KCNH1: variants seen among roughly 807,000 people sequenced by gnomAD.
The protein encoded by KCNH1 is potassium voltage-gated channel subfamily H member 1.
In KCNH1, 27 loss-of-function variants were observed where a neutral mutation model predicts 69.2. That is an observed-to-expected ratio of 0.39 (90% CI 0.29 to 0.54). The LOEUF is 0.54. Among genes scored for constraint, KCNH1 ranks in the 20% least tolerant of loss-of-function variants. The pLI is 0.68. For synonymous variants in KCNH1, 456 were observed against 487.7 expected (o/e 0.93, Z 0.86); for missense variants, 798 against 1,261.6 (o/e 0.63, Z 5.57).
At chr1:210,848,802 A>G (rs1368641799) in intron 7 of KCNH1, among the ~76,000 whole-genome samples, 1 of 151,836 alleles carries the variant, frequency 6.6e-6, no homozygotes, top group African/African-American at 2.4e-5. Flanking sequence ...CCCCATTTCA[A>G]TTTTTTTTCT....
chr1:210,838,454 C>G (rs114328042), intron 7 of KCNH1, among the ~76,000 whole-genome samples: 109 of 151,822 alleles, frequency 7.2e-4, no homozygotes, highest in Non-Finnish European at 1.3e-3. Flanking sequence ...AAACCCAAAA[C>G]TATAAAAAGC....
At chr1:210,996,994 C>T (rs1042188813) in intron 6 of KCNH1, among the ~76,000 whole-genome samples, 2 of 152,194 alleles carry the variant, frequency 1.3e-5, no homozygotes, top group Non-Finnish European at 2.9e-5. Flanking sequence ...AAGACATCCA[C>T]ACCAAAAACC....
At chr1:210,864,426 C>T (rs1460009640) in intron 7 of KCNH1, among the ~76,000 whole-genome samples, 3 of 152,192 alleles carry the variant, frequency 2.0e-5, no homozygotes, top group African/African-American at 7.2e-5. Flanking sequence ...TTCCTCTCAA[C>T]TCAGCAAAAC....
At chr1:210,806,178 G>C (rs1246455176) in intron 7 of KCNH1, among the ~76,000 whole-genome samples, 1 of 152,166 alleles carries the variant, frequency 6.6e-6, no homozygotes, top group East Asian at 1.9e-4. Flanking sequence ...TTACATTCCT[G>C]CCAGCAGTCT....
intron 10 of KCNH1, among the ~76,000 whole-genome samples, chr1:210,730,254 G>C (rs1682711670): frequency 6.6e-6 from 1 of 152,148 alleles, no homozygotes; most frequent in Non-Finnish European, 1.5e-5. Context: ...CTAAGGCTAG[G>C]CAGGAAAATT....
At chr1:210,914,809 A>G (rs573071710) in intron 7 of KCNH1, among the ~76,000 whole-genome samples, 1 of 152,242 alleles carries the variant, frequency 6.6e-6, no homozygotes, top group South Asian at 2.1e-4. Context: ...GACTGGGAAG[A>G]AAGAAATGAA....
intron 7 of KCNH1, among the ~76,000 whole-genome samples, chr1:210,867,112 T>G (rs893699372): frequency 2.6e-5 from 4 of 151,832 alleles, no homozygotes; most frequent in African/African-American, 9.7e-5. Context: ...GGCTAGGAAA[T>G]GTGAGGAGAA....
chr1:211,048,426 C>T (rs1033541480), intron 5 of KCNH1, among the ~76,000 whole-genome samples: 6 of 152,228 alleles, frequency 3.9e-5, no homozygotes, highest in African/African-American at 1.2e-4. Context: ...AAATATGGAA[C>T]CAGCCCAAAT....
Position 210,821,863 on chromosome 1 carries a change from G to T in KCNH1, c.1463-17697C>A, listed in dbSNP as rs866827548. Among the ~76,000 whole-genome samples, 7 of 150,712 alleles carry T rather than the reference G, an allele frequency of 4.6e-5. 1 individual carries two copies. The highest frequency in any genetic ancestry group is 3.4e-3 in the Middle Eastern group (1 of 294). On this transcript the variant is annotated intron_variant, in intron 7 of 10. Transcript: ENST00000271751. ...TTATTTATTTATTTAAAGAGATGGG[G>T]TCTTACTCTGTCACCCAGGCTGGAG...
chr1:211,119,063 C>A (rs1691638554), intron 1 of KCNH1, among the ~76,000 whole-genome samples: 1 of 152,156 alleles, frequency 6.6e-6, no homozygotes, highest in African/African-American at 2.4e-5. Context: ...AGTACTCTTA[C>A]AAAAAGCAAG....
intron 7 of KCNH1, among the ~76,000 whole-genome samples, chr1:210,828,929 T>C (rs192378908): frequency 9.8e-5 from 15 of 152,328 alleles, no homozygotes. Flanking sequence ...ATTACTGAAG[T>C]ATAGCATAAG....
chr1:210,977,249 A>C (rs1159570370), intron 6 of KCNH1, among the ~76,000 whole-genome samples: 1 of 152,064 alleles, frequency 6.6e-6, no homozygotes, highest in African/African-American at 2.4e-5. Context: ...AACAATGAGA[A>C]CACTAGGACA....
At chr1:210,765,137 C>T (rs1232411891) in intron 10 of KCNH1, among the ~76,000 whole-genome samples, 1 of 151,680 alleles carries the variant, frequency 6.6e-6, no homozygotes, top group Non-Finnish European at 1.5e-5. Context: ...TTCTCACTTA[C>T]AAGTAGTAGC....
At chr1:210,972,282 T>G (rs1688524033) in intron 6 of KCNH1, among the ~76,000 whole-genome samples, 1 of 152,160 alleles carries the variant, frequency 6.6e-6, no homozygotes, top group Non-Finnish European at 1.5e-5. Flanking sequence ...CCTAAAAGGC[T>G]GCCTCCCATT....
At chr1:210,984,666 TGC>T (rs1175023690) in intron 6 of KCNH1, among the ~76,000 whole-genome samples, 2 of 152,226 alleles carry the variant, frequency 1.3e-5, no homozygotes, top group Non-Finnish European at 2.9e-5. Flanking sequence ...CTTTTTGATG[TGC>T]TGCTGGATTT....
chr1:210,713,628 G>A (rs575532066), intron 10 of KCNH1, among the ~76,000 whole-genome samples: 15 of 152,072 alleles, frequency 9.9e-5, no homozygotes, highest in Non-Finnish European at 1.8e-4. Context: ...AAGGGATGGG[G>A]GGAAGAACAT....
At chr1:210,833,368 G>T (rs1006707671) in intron 7 of KCNH1, among the ~76,000 whole-genome samples, 4 of 152,076 alleles carry the variant, frequency 2.6e-5, no homozygotes, top group African/African-American at 9.7e-5. Flanking sequence ...AGAGGCCTCA[G>T]AAATAATGCC....
intron 4 of KCNH1, among the ~76,000 whole-genome samples, chr1:211,086,106 G>A (rs923812996): frequency 1.3e-5 from 2 of 152,186 alleles, no homozygotes; most frequent in Admixed American, 6.5e-5. Flanking sequence ...TATCGCAGGT[G>A]TTTCCTTGTG....
rs75340153 is a variant in KCNH1, at chr1:211,036,013, G to A, written c.559-16757C>T. Among the ~76,000 whole-genome samples, 914 of 152,242 alleles carry A rather than the reference G, an allele frequency of 6.0e-3. 10 individuals are homozygous for A. Among genetic ancestry groups the A allele is most frequent in the Middle Eastern group, 0.01 (3 of 294 alleles). On this transcript the variant is annotated intron_variant, in intron 5 of 10. Transcript: ENST00000271751. ...CTTGGTCTAGGTTCCACTGCTTGCCGCACATAAAGCCAATCACTGAGATGA... is the reference window on the plus strand; with the variant it reads ...CTTGGTCTAGGTTCCACTGCTTGCCACACATAAAGCCAATCACTGAGATGA...
Sources: allele counts gnomAD v4.1 joint callset (sites outside exome capture counted in the v4.1 genomes callset), GRCh38; gene constraint gnomAD v4.1.1; transcripts MANE v1.5; gene names NCBI Gene and HGNC (gene_info 2026-07-23, HGNC 2026-07-21).